Variants in GALNT15 observed in about 807,000 individuals in gnomAD.
The protein encoded by GALNT15 is polypeptide N-acetylgalactosaminyltransferase 15.
A neutral mutation model predicts 66.8 loss-of-function variants in GALNT15; 67 were observed. The observed-to-expected ratio is 1.00, with a 90% CI of 0.82 to 1.23. GALNT15 has a LOEUF of 1.23. GALNT15 is among the 50% of genes most tolerant of loss of function. The pLI is 0.00. For missense variants in GALNT15, 827 were observed against 804.3 expected (o/e 1.03, Z -0.34); for synonymous variants, 313 against 311.5 (o/e 1.00, Z -0.05).
intron 9 of GALNT15, among the ~76,000 whole-genome samples, chr3:16,226,086 C>T (rs2064012111): frequency 6.6e-6 from 1 of 151,614 alleles, no homozygotes; most frequent in African/African-American, 2.4e-5. Flanking sequence ...TGAAAGAAGC[C>T]AGTTTCAAAA....
chr3:16,234,790 G>A (rs1170493136), downstream of GALNT15, among the ~76,000 whole-genome samples: 2 of 152,146 alleles, frequency 1.3e-5, no homozygotes, highest in Non-Finnish European at 2.9e-5. Flanking sequence ...CTCAACCCAT[G>A]CACAAGATAA....
rs1268020686 is a variant in GALNT15, at chr3:16,187,331, T to A, written c.540-8429T>A. Among the ~76,000 whole-genome samples the A allele has an allele frequency of 6.6e-6, 1 of 152,188 alleles. No individual in the cohort carries two copies. Among genetic ancestry groups the A allele is most frequent in the Non-Finnish European group, 1.5e-5 (1 of 68,040 alleles). On this transcript the variant is annotated intron_variant, in intron 1 of 9. Transcript: ENST00000339732. This position sits in a 1 kb window ranked among gnomAD's most constrained non-coding sequence, Gnocchi z 5.1. ...TATGGTTCTATAATTTGGACCGGAC[T>A]CAGCCAGGCAGTTCTTCTGCTGATC... is the stretch of plus-strand genomic sequence containing the variant.
rs2063982400 is a variant in GALNT15 at position 16,224,352 on chromosome 3, C to A, written c.1773+1594C>A. Among the ~76,000 whole-genome samples the A allele has an allele frequency of 6.6e-6, 1 of 152,094 alleles. No individual in the cohort carries two copies. Among genetic ancestry groups the A allele is most frequent in the Non-Finnish European group, 1.5e-5 (1 of 68,030 alleles). On this transcript the variant is annotated intron_variant, in intron 9 of 9. Coordinates refer to ENST00000339732, the MANE Select transcript of GALNT15 (RefSeq NM_054110.5). This position sits in a 1 kb window ranked among gnomAD's most constrained non-coding sequence, Gnocchi z 5.2. ...CTTAAAAAGGAAGAAAATCCCATCA[C>A]CTGCTACAACATGGGCATATCTTGA...
intron 6 of GALNT15, among the ~76,000 whole-genome samples, chr3:16,218,810 CTTTTTTTTTTT>C (rs10538222): frequency 4.3e-5 from 4 of 92,934 alleles, no homozygotes; most frequent in East Asian, 6.3e-4. Flanking sequence ...CTCTCTCTCT[CTTTTTTTTTTT>C]TTTTTTTTTT....
At chr3:16,205,696 G>T (rs2063749322) in intron 3 of GALNT15, among the ~76,000 whole-genome samples, 1 of 152,174 alleles carries the variant, frequency 6.6e-6, no homozygotes, top group South Asian at 2.1e-4. Context: ...AAGACTGTGG[G>T]TTTTTTATTT....
chr3:16,212,678 A>G lies in GALNT15; in HGVS notation c.1307A>G (p.Asn436Ser). The G allele has an allele frequency of 6.2e-7, 1 of 1,613,760 alleles. No individual in the cohort carries two copies. Among genetic ancestry groups the G allele is most frequent in the Non-Finnish European group, 8.5e-7 (1 of 1,179,746 alleles). Reference sequence around the variant, plus strand: ...CTCGACCAGGAGGCCACCCTGAGGAACAGGGTTCGCATTGCTGAGACCTGG... The same window carrying G: ...CTCGACCAGGAGGCCACCCTGAGGAGCAGGGTTCGCATTGCTGAGACCTGG... ...SPLDQEATLR[N>S]RVRIAETWLG... Residue 436 changes from asparagine (N) to serine (S), a missense_variant, in exon 6 of 10, where the codon AAC (asparagine) becomes AGC (serine). Physicochemically the swap from Asn to Ser is conservative, Grantham distance 46. Transcript: ENST00000339732.
rs750061060 is a variant in GALNT15 at position 16,195,841 on chromosome 3, C to T, written c.621C>T (p.Leu207=). The T allele has an allele frequency of 2.5e-6, 4 of 1,614,032 alleles. No homozygotes were observed. Among genetic ancestry groups the T allele is most frequent in the East Asian group, 2.2e-5 (1 of 44,886 alleles). Residue 207 remains leucine, a synonymous_variant, in exon 2 of 10, where the codon CTC becomes CTT. Transcript: ENST00000339732. This position sits in a 1 kb window ranked among gnomAD's most constrained non-coding sequence, Gnocchi z 4.6. ...TCCATGATGAGGCCTGGTCCACTCT[C>T]CTGCGGACTGTACACAGCATCCTCG... ...LCFHDEAWST[L]LRTVHSILDT...
In GALNT15 at chr3:16,225,867, G is replaced by A. The variant is rs1178880224; in HGVS notation, c.1774-1487G>A. On this transcript the variant is annotated intron_variant, in intron 9 of 9. Coordinates refer to ENST00000339732, the MANE Select transcript of GALNT15 (RefSeq NM_054110.5). This position sits in a 1 kb window ranked among gnomAD's most constrained non-coding sequence, Gnocchi z 4.4. ...GCCTGGCCAATATGGGTTTTTAGTA[G>A]AGAAAACCCATCTCTACTAAAAATA... is the stretch of plus-strand genomic sequence containing the variant. 6.6e-6 allele frequency among the ~76,000 whole-genome samples: 1 copy of A among 151,840 alleles called. No individual in the cohort carries two copies. The highest frequency in any genetic ancestry group is 2.4e-5 in the African/African-American group (1 of 41,316).
rs924931 is a variant in GALNT15 at position 16,193,535 on chromosome 3, C to T, written c.540-2225C>T. On this transcript the variant is annotated intron_variant, in intron 1 of 9. Coordinates refer to ENST00000339732, the MANE Select transcript of GALNT15 (RefSeq NM_054110.5). The surrounding 1 kb of genome is among the most constrained non-coding windows in gnomAD (Gnocchi z 4.7). ...TTTTAAAAATTATTTAGGAATTCTG[C>T]TTACCATTACCTAGACTCAATTCTC... Among the ~76,000 whole-genome samples, 89,363 of 152,026 alleles carry T rather than the reference C, an allele frequency of 0.59. 26,731 individuals carry two copies. Among genetic ancestry groups the T allele is most frequent in the African/African-American group, 0.7 (28,853 of 41,480 alleles).
rs557659193 is a variant in GALNT15 at position 16,200,237 on chromosome 3, G to C, written c.707-382G>C. Among the ~76,000 whole-genome samples, 1 of 152,220 alleles carries C rather than the reference G, an allele frequency of 6.6e-6. No individual in the cohort carries two copies. Among genetic ancestry groups the C allele is most frequent in the East Asian group, 1.9e-4 (1 of 5,178 alleles). ...CACATGATCCAATCACCTCCCACCAGGTCCCTCCCTCGCCACATAGGGATT... is the reference window on the plus strand; with the variant it reads ...CACATGATCCAATCACCTCCCACCACGTCCCTCCCTCGCCACATAGGGATT... On this transcript the variant is annotated intron_variant, in intron 2 of 9. Transcript: ENST00000339732. This position sits in a 1 kb window ranked among gnomAD's most constrained non-coding sequence, Gnocchi z 4.4.
chr3:16,241,077 G>A, the GALNT15 span, among the ~76,000 whole-genome samples: 10 of 152,118 alleles, frequency 6.6e-5, no homozygotes, highest in South Asian at 4.1e-4. This position sits in a 1 kb window ranked among gnomAD's most constrained non-coding sequence, Gnocchi z 4.6. Flanking sequence ...GGTCTTCCTC[G>A]AACCCCCGGG....
At chr3:16,215,499 A>G (rs1268836876) in intron 6 of GALNT15, among the ~76,000 whole-genome samples, 2 of 152,240 alleles carry the variant, frequency 1.3e-5, no homozygotes, top group Non-Finnish European at 2.9e-5. Flanking sequence ...TCTAACATCG[A>G]AACAGTAATC....
Position 16,175,794 on chromosome 3 carries a change from G to A in GALNT15, c.539+104G>A. 1 of 1,075,140 alleles carries A rather than the reference G, an allele frequency of 9.3e-7. No individual in the cohort carries two copies. Among genetic ancestry groups the A allele is most frequent in the Non-Finnish European group, 1.3e-6 (1 of 768,120 alleles). 66.6% of individuals were successfully genotyped at this position (1,075,140 alleles called of 1,614,324 possible). A position where few individuals can be genotyped will look rare whatever the true frequency, so the allele number is the denominator to read the frequency against. ...CGTAGCCTGCCTCTCCTGACTTAGAGCAAGTGCTTTTCAAGATGCAGTACC... is the reference window on the plus strand; with the variant it reads ...CGTAGCCTGCCTCTCCTGACTTAGAACAAGTGCTTTTCAAGATGCAGTACC... On this transcript the variant is annotated intron_variant, in intron 1 of 9. Transcript: ENST00000339732. This position sits in a 1 kb window ranked among gnomAD's most constrained non-coding sequence, Gnocchi z 5.6.
chr3:16,212,545 G>A (rs777973052), intron 5 of GALNT15, 24 bp from the exon 6 acceptor site: 6 of 1,605,156 alleles, frequency 3.7e-6, no homozygotes, highest in Non-Finnish European at 5.1e-6. Context: ...ATGCTGAGGT[G>A]TTTATCTTTT....
Position 16,227,371 on chromosome 3 carries a change from C to T in GALNT15, c.1791C>T (p.His597=). ...CTTTTTAGAATGGGATGATTGTCCACATTCTTTCTGGGAAATGCATGGAAG... is the reference window on the plus strand; with the variant it reads ...CTTTTTAGAATGGGATGATTGTCCATATTCTTTCTGGGAAATGCATGGAAG... ...WDFQENGMIV[H]ILSGKCMEAV... The change falls in exon 10 of 10, where the codon CAC becomes CAT. Residue 597 remains histidine (H), a synonymous_variant. Coordinates refer to ENST00000339732, the MANE Select transcript of GALNT15 (RefSeq NM_054110.5). The surrounding 1 kb of genome is among the most constrained non-coding windows in gnomAD (Gnocchi z 4.5). 1 of 1,613,724 alleles carries T rather than the reference C, an allele frequency of 6.2e-7. No homozygotes were observed.
downstream of GALNT15, among the ~76,000 whole-genome samples, chr3:16,230,250 A>AT (rs1218231349): frequency 6.6e-6 from 1 of 152,216 alleles, no homozygotes; most frequent in Non-Finnish European, 1.5e-5. The surrounding 1 kb of genome is among the most constrained non-coding windows in gnomAD (Gnocchi z 4.5). Flanking sequence ...CACACTCTTC[A>AT]TGCTGTATTA....
Position 16,224,499 on chromosome 3 carries a change from G to A in GALNT15, c.1773+1741G>A, listed in dbSNP as rs2063983627. 6.6e-6 allele frequency among the ~76,000 whole-genome samples: 1 copy of A among 152,204 alleles called. No individual in the cohort carries two copies. Among genetic ancestry groups the A allele is most frequent in the South Asian group, 2.1e-4 (1 of 4,824 alleles). ...AGAAAGTAAAATAGTGGTTACCAGA[G>A]GCAGGCAGAGGAGGAGAAAAAGGGA... On this transcript the variant is annotated intron_variant, in intron 9 of 9. Transcript: ENST00000339732. This position sits in a 1 kb window ranked among gnomAD's most constrained non-coding sequence, Gnocchi z 5.2.
chr3:16,191,318 G>A lies in GALNT15; in HGVS notation c.540-4442G>A. ...TTTCAAGGCTGGAAGAGCCTGAGAG[G>A]TACCTCTTGTAGTAATGGGACATCT... On this transcript the variant is annotated intron_variant, in intron 1 of 9. Transcript: ENST00000339732. The surrounding 1 kb of genome is among the most constrained non-coding windows in gnomAD (Gnocchi z 5.2). 1 of 985,180 alleles carries A rather than the reference G, an allele frequency of 1.0e-6. No individual in the cohort carries two copies. The highest frequency in any genetic ancestry group is 1.2e-6 in the Non-Finnish European group (1 of 829,726). The allele number at this position is 985,180 out of a possible 1,614,324, so 61.0% of individuals were successfully genotyped here. A position where few individuals can be genotyped will look rare whatever the true frequency, so the allele number is the denominator to read the frequency against.
chr3:16,203,106 A>C lies in GALNT15; in HGVS notation c.911+2283A>C, dbSNP rs1488179530. 6.6e-6 allele frequency among the ~76,000 whole-genome samples: 1 copy of C among 152,112 alleles called. No individual in the cohort carries two copies. The highest frequency in any genetic ancestry group is 1.5e-5 in the Non-Finnish European group (1 of 68,034). The stretch of plus-strand genomic sequence containing the variant: ...AATTGAGGCTCAGAGAGGTGACATG[A>C]TATGTAAGGGCAGATAATTCGTAGC... On this transcript the variant is annotated intron_variant, in intron 3 of 9. Coordinates refer to ENST00000339732, the MANE Select transcript of GALNT15 (RefSeq NM_054110.5). This position sits in a 1 kb window ranked among gnomAD's most constrained non-coding sequence, Gnocchi z 6.2.
Sources: allele counts gnomAD v4.1 joint callset (sites outside exome capture counted in the v4.1 genomes callset), GRCh38; gene constraint gnomAD v4.1.1; non-coding constraint Gnocchi (gnomAD v3.1); transcripts MANE v1.5; gene names NCBI Gene and HGNC (gene_info 2026-07-23, HGNC 2026-07-21).